Variants in SLC23A2 observed in about 807,000 individuals in gnomAD.
SLC23A2 encodes the protein Na(+)/L-ascorbic acid transporter 2.
In SLC23A2, 36 loss-of-function variants were observed where a neutral mutation model predicts 73.3. The observed-to-expected ratio is 0.49, with a 90% CI of 0.38 to 0.65. SLC23A2 has a LOEUF of 0.65. Ranked by LOEUF, SLC23A2 falls within the 30% of genes least tolerant of loss-of-function variation. SLC23A2 has a pLI of 0.00. For missense variants in SLC23A2, 507 were observed against 841.6 expected (o/e 0.60, Z 4.92); for synonymous variants, 343 against 327.3 (o/e 1.05, Z -0.52).
rs370765649 is a variant in SLC23A2 at position 4,949,447 on chromosome 20, C to T, written c.-154-16731G>A. Among the ~76,000 whole-genome samples, 10 of 152,212 alleles carry T rather than the reference C, an allele frequency of 6.6e-5. No homozygotes were observed. The East Asian group carries it at 1.9e-3, about 29-fold the overall frequency. ...GCACCTGAAAAACACAGAAATTTTA[C>T]TCGCTGCAGATGAAGTTTTTATTGC... On this transcript the variant is annotated intron_variant, in intron 2 of 16. Coordinates refer to ENST00000338244, the MANE Select transcript of SLC23A2 (RefSeq NM_005116.6).
rs530556319 is a variant in SLC23A2 at position 4,961,544 on chromosome 20, C to T, written c.-155+9249G>A. On this transcript the variant is annotated intron_variant, in intron 2 of 16. Coordinates refer to ENST00000338244, the MANE Select transcript of SLC23A2 (RefSeq NM_005116.6). ...TTCTTAAAACATTTGAGATTTTTTG[C>T]GATTTTTTTAAAGCTCATCAGCTAT... Among the ~76,000 whole-genome samples the T allele has an allele frequency of 4.6e-5, 7 of 152,228 alleles. No homozygotes were observed. In the East Asian group the frequency reaches 1.2e-3, roughly 25 times the overall value.
intron 3 of SLC23A2, among the ~76,000 whole-genome samples, chr20:4,918,032 G>A (rs1186504755): frequency 1.3e-5 from 2 of 152,152 alleles, no homozygotes; most frequent in East Asian, 3.8e-4. Flanking sequence ...AGTTCTTGAG[G>A]ACTGAATTTT....
chr20:4,918,235 G>A (rs1203448225), intron 3 of SLC23A2, among the ~76,000 whole-genome samples: 4 of 152,154 alleles, frequency 2.6e-5, no homozygotes, highest in African/African-American at 9.7e-5. Context: ...AATTGATCAA[G>A]TTTTTATAAA....
chr20:4,933,769 G>A (rs1311419436), intron 2 of SLC23A2, among the ~76,000 whole-genome samples: 1 of 152,162 alleles, frequency 6.6e-6, no homozygotes. Context: ...AGGGCAGAGT[G>A]CATCCCCTGG....
At chr20:4,960,718 G>A (rs2087368442) in intron 2 of SLC23A2, among the ~76,000 whole-genome samples, 1 of 152,172 alleles carries the variant, frequency 6.6e-6, no homozygotes, top group Non-Finnish European at 1.5e-5. Context: ...GACTGTAAAG[G>A]TACCTCTGGG....
intron 9 of SLC23A2, among the ~76,000 whole-genome samples, chr20:4,877,479 A>G (rs1423887916): frequency 6.6e-6 from 1 of 152,204 alleles, no homozygotes; most frequent in Non-Finnish European, 1.5e-5. Flanking sequence ...AAATGAATAA[A>G]ATTATGTATA....
chr20:4,940,926 C>T (rs1341196426), intron 2 of SLC23A2, among the ~76,000 whole-genome samples: 1 of 152,076 alleles, frequency 6.6e-6, no homozygotes, highest in East Asian at 1.9e-4. Flanking sequence ...GAGGCCAAGG[C>T]AGGAGGACTG....
rs958430865 is a variant in SLC23A2 at position 4,932,443 on chromosome 20, G to A, written c.108+12C>T. ...AAGAGATTTAAGAAAGGAAGATGGGGAATATGATTACCGGAAGAGTGAAGA... is the reference window on the plus strand; with the variant it reads ...AAGAGATTTAAGAAAGGAAGATGGGAAATATGATTACCGGAAGAGTGAAGA... On this transcript the variant is annotated intron_variant, in intron 3 of 16. Coordinates refer to ENST00000338244, the MANE Select transcript of SLC23A2 (RefSeq NM_005116.6). 16 of 1,370,012 alleles carry A rather than the reference G, an allele frequency of 1.2e-5. No individual in the cohort carries two copies. The highest frequency in any genetic ancestry group is 9.1e-5 in the East Asian group (4 of 43,804). The allele number at this position is 1,370,012 out of a possible 1,614,324, so 84.9% of individuals were successfully genotyped here.
At chr20:4,990,122 TAGAAA>T (rs1323859843) in intron 1 of SLC23A2, among the ~76,000 whole-genome samples, 1 of 152,190 alleles carries the variant, frequency 6.6e-6, no homozygotes. Flanking sequence ...AGTCACCACT[TAGAAA>T]AGAACCATCT....
intron 1 of SLC23A2, among the ~76,000 whole-genome samples, chr20:4,996,712 AC>A (rs2088028673): frequency 2.0e-5 from 3 of 146,546 alleles, no homozygotes; most frequent in East Asian, 2.0e-4. Flanking sequence ...AAAAAAAACA[AC>A]AACTCATGAG....
intron 1 of SLC23A2, among the ~76,000 whole-genome samples, chr20:4,983,848 C>G (rs1216062699): frequency 4.1e-5 from 6 of 144,878 alleles, no homozygotes; most frequent in African/African-American, 5.1e-5. Flanking sequence ...CCCTGCTATT[C>G]GGGAGGCTGA....
chr20:5,007,339 T>C (rs543979570), intron 1 of SLC23A2, among the ~76,000 whole-genome samples: 2 of 152,228 alleles, frequency 1.3e-5, no homozygotes, highest in South Asian at 2.1e-4. Flanking sequence ...GAGACCAGCT[T>C]GGTGAACACA....
chr20:4,870,295 G>A (rs113271554), intron 11 of SLC23A2, among the ~76,000 whole-genome samples: 9 of 152,122 alleles, frequency 5.9e-5, no homozygotes, highest in African/African-American at 2.2e-4. Flanking sequence ...AGAAAACATC[G>A]TAGCCGGATG....
At chr20:4,919,952 A>G (rs1932448317) in intron 3 of SLC23A2, among the ~76,000 whole-genome samples, 1 of 152,224 alleles carries the variant, frequency 6.6e-6, no homozygotes, top group African/African-American at 2.4e-5. Flanking sequence ...TACTCATAAG[A>G]AGATATACAT....
rs1302908197 is a variant in SLC23A2 at position 4,857,030 on chromosome 20, C to A, written c.1895G>T (p.Gly632Val). The change falls in exon 17 of 17, where the codon GGC (glycine) becomes GTC (valine). Residue 632 changes from glycine (G) to valine (V), a missense_variant. Coordinates refer to ENST00000338244, the MANE Select transcript of SLC23A2 (RefSeq NM_005116.6). The surrounding 1 kb of genome is among the most constrained non-coding windows in gnomAD (Gnocchi z 4.0). The stretch of plus-strand genomic sequence containing the variant: ...CCGGCTGTTGTCGCTCTTCCTGAGG[C>A]CTTTCCATGTGTAGCCCACAAAGGT... ...SPTFVGYTWK[G>V]LRKSDNSRSS... 6.2e-7 allele frequency: 1 copy of A among 1,614,198 alleles called. No homozygotes were observed. The highest frequency in any genetic ancestry group is 1.7e-5 in the Admixed American group (1 of 60,034).
intron 2 of SLC23A2, among the ~76,000 whole-genome samples, chr20:4,937,333 T>C (rs552226824): frequency 2.8e-4 from 42 of 152,264 alleles, no homozygotes; most frequent in African/African-American, 9.9e-4. Context: ...TGGTCCCTCA[T>C]TGCCCCTTTT....
At chr20:4,920,429 CCT>C (rs2007541737) in intron 3 of SLC23A2, among the ~76,000 whole-genome samples, 1 of 152,182 alleles carries the variant, frequency 6.6e-6, no homozygotes, top group African/African-American at 2.4e-5. Context: ...AGGCACATCC[CCT>C]CTGACTCAAA....
At chr20:4,870,724 T>C (rs1186811833) in intron 11 of SLC23A2, among the ~76,000 whole-genome samples, 1 of 152,214 alleles carries the variant, frequency 6.6e-6, no homozygotes, top group Non-Finnish European at 1.5e-5. Flanking sequence ...GAGGGATTTA[T>C]AGCCCTGCTG....
rs143870368 is a variant in SLC23A2, at chr20:4,941,420, A to G, written c.-154-8704T>C. On this transcript the variant is annotated intron_variant, in intron 2 of 16. Transcript: ENST00000338244. ...AAAACAAAACAATACCATATTGTACACTCAAAAAGTTGTCGGCTGGGCCTG... is the reference window on the plus strand; with the variant it reads ...AAAACAAAACAATACCATATTGTACGCTCAAAAAGTTGTCGGCTGGGCCTG... Among the ~76,000 whole-genome samples, 567 of 152,142 alleles carry G rather than the reference A, an allele frequency of 3.7e-3. 3 individuals carry two copies. Among genetic ancestry groups the G allele is most frequent in the African/African-American group, 0.013 (545 of 41,520 alleles).
Sources: allele counts gnomAD v4.1 joint callset (sites outside exome capture counted in the v4.1 genomes callset), GRCh38; gene constraint gnomAD v4.1.1; non-coding constraint Gnocchi (gnomAD v3.1); transcripts MANE v1.5; gene names NCBI Gene and HGNC (gene_info 2026-07-23, HGNC 2026-07-21).